PROSER1: variants seen among roughly 807,000 people sequenced by gnomAD.
PROSER1 encodes the protein proline and serine-rich protein 1.
In PROSER1, 36 loss-of-function variants were observed where a neutral mutation model predicts 71.8. That is an observed-to-expected ratio of 0.50 (90% CI 0.38 to 0.66). The LOEUF (loss-of-function observed/expected upper bound fraction) is 0.66, where lower values mean the gene tolerates loss of function less well. Among genes scored for constraint, PROSER1 ranks in the 30% least tolerant of loss-of-function variants. The pLI is 0.00. For missense variants in PROSER1, 1,107 were observed against 1,135.0 expected, an observed-to-expected ratio of 0.98 and a Z score of 0.35; for synonymous variants, 490 against 452.4, an observed-to-expected ratio of 1.08 and a Z score of -1.06.
At position 39,013,747 on chromosome 13, in the gene PROSER1, G is replaced by A; in HGVS notation, c.1505C>T (p.Ser502Phe). 1 of 1,614,188 alleles carries A rather than the reference G, an allele frequency of 6.2e-7. No individual in the cohort carries two copies. The highest frequency in any genetic ancestry group is 2.2e-5 in the East Asian group (1 of 44,880). ...AGAGTCAGAGTTCTGAAGAGTAAGA[G>A]AAGATAGTGAAGCCAGCCCACTTGT... Reference protein sequence around the residue: ...AVTSGLASLSSLTLQNSDSSA... With the variant: ...AVTSGLASLSFLTLQNSDSSA... The change falls in exon 11 of 13, where the codon TCT (serine) becomes TTT (phenylalanine). Residue 502 changes from serine to phenylalanine, a missense_variant. Transcript: ENST00000352251.
chr13:39,033,583 T>A (rs1481867047), intron 2 of PROSER1, among the ~76,000 whole-genome samples: 1 of 152,238 alleles, frequency 6.6e-6, no homozygotes, highest in East Asian at 1.9e-4. Flanking sequence ...GTGACACACA[T>A]ATATTTTAAT....
At chr13:39,018,803 A>C (rs925191759) in intron 9 of PROSER1, among the ~76,000 whole-genome samples, 1 of 152,144 alleles carries the variant, frequency 6.6e-6, no homozygotes, top group African/African-American at 2.4e-5. Context: ...AGAATAACGA[A>C]AACAAAATTT....
intron 5 of PROSER1, among the ~76,000 whole-genome samples, chr13:39,027,866 G>A (rs375306775): frequency 1.3e-5 from 2 of 152,038 alleles, no homozygotes; most frequent in South Asian, 2.1e-4. Context: ...TTATGAATCC[G>A]ATTTAAAATA....
In PROSER1 at chr13:39,024,550, G is replaced by T; in HGVS notation, c.487C>A (p.Pro163Thr). 2 of 1,540,212 alleles carry T rather than the reference G, an allele frequency of 1.3e-6. No individual in the cohort carries two copies. The highest frequency in any genetic ancestry group is 8.8e-7 in the Non-Finnish European group (1 of 1,136,924). The change falls in exon 7 of 13, where the codon CCT (proline) becomes ACT (threonine). Residue 163 changes from proline to threonine, a missense_variant. Transcript: ENST00000352251. ...SRINGIFPGT[P>T]LKKDGEECTN... ...CATTCTTCACCATCTTTTTTCAAAG[G>T]AGTTCCCTATTAAAAAAAAAAAAAA...
intron 7 of PROSER1, 98 bp downstream of exon 7, chr13:39,024,375 C>A: frequency 1.2e-6 from 1 of 846,042 alleles, no homozygotes; most frequent in Non-Finnish European, 1.9e-6. Flanking sequence ...TAGAATACTT[C>A]AAACTTTGCA....
chr13:39,019,606 TAAG>T (rs139659778), intron 9 of PROSER1, among the ~76,000 whole-genome samples: 2,689 of 150,890 alleles, frequency 0.018, 96 homozygotes, highest in African/African-American at 0.062. Context: ...TGACAACCAT[TAAG>T]AATAAGAAGG....
chr13:39,011,766 A>C (rs1431073419), intron 12 of PROSER1, among the ~76,000 whole-genome samples: 1 of 152,226 alleles, frequency 6.6e-6, no homozygotes, highest in African/African-American at 2.4e-5. Context: ...TCAATCATTA[A>C]GCTTGAATTA....
At chr13:39,017,256 G>C (rs1870048322) in intron 10 of PROSER1, among the ~76,000 whole-genome samples, 1 of 152,224 alleles carries the variant, frequency 6.6e-6, no homozygotes, top group Admixed American at 6.5e-5. Context: ...ACATTACACT[G>C]CAAGTTTTGC....
Position 39,024,074 on chromosome 13 carries a change from T to A in PROSER1, c.564+399A>T, listed in dbSNP as rs768022183. The A allele has an allele frequency of 1.8e-5, 3 of 171,342 alleles. No homozygotes were observed. The South Asian group carries it at 4.2e-4, about 24-fold the overall frequency. 10.6% of individuals were successfully genotyped at this position (171,342 alleles called of 1,614,324 possible). A position where few individuals can be genotyped will look rare whatever the true frequency, so the allele number is the denominator to read the frequency against. On this transcript the variant is annotated intron_variant, in intron 7 of 12. Coordinates refer to ENST00000352251, the MANE Select transcript of PROSER1 (RefSeq NM_025138.5). ...TTCAACCCATGGGGTTGTCTTCTCC[T>A]GTCCTGTTTACATTGCAATCATTAT...
chr13:39,031,684 A>T, intron 2 of PROSER1, 53 bp from the exon 3 acceptor site: 1 of 1,486,998 alleles, frequency 6.7e-7, no homozygotes, highest in Non-Finnish European at 9.3e-7. Flanking sequence ...AAACATTTCT[A>T]TAAGATTTCA....
chr13:39,012,685 A>G lies in PROSER1; in HGVS notation c.2561+6T>C. 1 of 1,543,476 alleles carries G rather than the reference A, an allele frequency of 6.5e-7. No homozygotes were observed. Among genetic ancestry groups the G allele is most frequent in the Non-Finnish European group, 8.7e-7 (1 of 1,144,900 alleles). ...ATTTTATCCTATTTCCAAACTATCCACATACCCGGCTTGTGCAACAAGAGC... is the reference window on the plus strand; with the variant it reads ...ATTTTATCCTATTTCCAAACTATCCGCATACCCGGCTTGTGCAACAAGAGC... On this transcript the variant is annotated splice_donor_region_variant and intron_variant, in intron 11 of 12. Coordinates refer to ENST00000352251, the MANE Select transcript of PROSER1 (RefSeq NM_025138.5).
intron 5 of PROSER1, among the ~76,000 whole-genome samples, chr13:39,027,105 T>G (rs1329408054): frequency 2.0e-5 from 3 of 152,160 alleles, no homozygotes; most frequent in Non-Finnish European, 2.9e-5. Context: ...TGTATATATA[T>G]ATTCACAAGT....
At chr13:39,022,262 GTCCGT>G in intron 9 of PROSER1, 59 bp downstream of exon 9, 3 of 1,083,340 alleles carry the variant, frequency 2.8e-6, no homozygotes, top group African/African-American at 1.5e-5. Flanking sequence ...CCAAACAACT[GTCCGT>G]TCCAAGTGTA....
At chr13:39,034,842 T>C (rs1463970530) in intron 1 of PROSER1, among the ~76,000 whole-genome samples, 2 of 152,188 alleles carry the variant, frequency 1.3e-5, no homozygotes, top group African/African-American at 4.8e-5. Flanking sequence ...TAGTGGACAT[T>C]AGATGTGACA....
At chr13:39,028,165 T>C (rs1225815431) in intron 5 of PROSER1, 62 bp downstream of exon 5, 8 of 865,338 alleles carry the variant, frequency 9.2e-6, no homozygotes, top group Admixed American at 2.0e-5. Flanking sequence ...AAAGGTGCTT[T>C]TTCGTCTTCA....
chr13:39,011,345 A>C lies in PROSER1; in HGVS notation c.*20T>G. The C allele has an allele frequency of 6.2e-7, 1 of 1,612,624 alleles. No homozygotes were observed. Among genetic ancestry groups the C allele is most frequent in the Non-Finnish European group, 8.5e-7 (1 of 1,179,078 alleles). ...GGCAATTCTGATGTTGCTCTGAAGG[A>C]GAATAAAAGTTAAAAGTATTCACTG... On this transcript the variant is annotated 3_prime_UTR_variant, in exon 13 of 13. Transcript: ENST00000352251.
rs1199437889 is a variant in PROSER1, at chr13:39,014,226, C to T, written c.1026G>A (p.Leu342=). 2 of 1,613,974 alleles carry T rather than the reference C, an allele frequency of 1.2e-6. No individual in the cohort carries two copies. Among genetic ancestry groups the T allele is most frequent in the East Asian group, 2.2e-5 (1 of 44,866 alleles). The stretch of plus-strand genomic sequence containing the variant: ...GGATGGATGTAACAGGTGCAGTGGG[C>T]AATGAAGGGGTTCTGATAACTGTTG... The part of the protein sequence containing the change: ...PNPTVIRTPS[L]PTAPVTSIHS... Residue 342 remains leucine, a synonymous_variant, in exon 11 of 13, where the codon TTG becomes TTA. Coordinates refer to ENST00000352251, the MANE Select transcript of PROSER1 (RefSeq NM_025138.5).
In PROSER1 at chr13:39,017,401, A is replaced by G. The variant is rs932831112; in HGVS notation, c.775+99T>C. ...TATTCTTTAACCAGAAACTTTTCCT[A>G]AAACATAACCATTCCAAATATACTC... is the stretch of plus-strand genomic sequence containing the variant. On this transcript the variant is annotated intron_variant, in intron 10 of 12. Coordinates refer to ENST00000352251, the MANE Select transcript of PROSER1 (RefSeq NM_025138.5). 8.7e-6 allele frequency: 7 copies of G among 801,578 alleles called. No individual in the cohort carries two copies. In the Admixed American group the frequency reaches 1.2e-4, roughly 13 times the overall value. 49.7% of individuals were successfully genotyped at this position (801,578 alleles called of 1,614,324 possible).
chr13:39,020,639 CA>C (rs1354295079), intron 9 of PROSER1, among the ~76,000 whole-genome samples: 2 of 151,978 alleles, frequency 1.3e-5, no homozygotes, highest in African/African-American at 4.8e-5. Flanking sequence ...AAAACACAAA[CA>C]AAAATGTAAG....
Sources: gnomAD v4.1 joint callset for allele counts (sites outside exome capture counted in the v4.1 genomes callset) on GRCh38, gnomAD v4.1.1 for gene constraint, MANE v1.5 for transcripts, NCBI Gene and HGNC (gene_info 2026-07-23, HGNC 2026-07-21) for gene names.